The following USP29 variants were observed in gnomAD, a reference collection of about 807,000 sequenced individuals.
USP29 encodes ubiquitin carboxyl-terminal hydrolase 29.
For synonymous variants in USP29, 386 were observed against 387.4 expected, an observed-to-expected ratio of 1.00 and a Z score of 0.04; for missense variants, 1,102 against 1,069.0, an observed-to-expected ratio of 1.03 and a Z score of -0.43.
At chr19:57,119,515 C>T (rs577772334), upstream of USP29, among the ~76,000 whole-genome samples, 105 of 152,230 alleles carry the variant, frequency 6.9e-4, no homozygotes, top group African/African-American at 1.0e-3. Context: ...CTCCGCCTCC[C>T]GGGTTCAAGC....
rs1471440017 is a variant in USP29 at position 57,129,156 on chromosome 19, A to C, written c.481A>C (p.Ile161Leu). 9 of 1,613,528 alleles carry C rather than the reference A, an allele frequency of 5.6e-6. No individual in the cohort carries two copies. The highest frequency in any genetic ancestry group is 6.8e-6 in the Non-Finnish European group (8 of 1,179,744). ...ATCACCAACACATGTGAAAAAGGGG[A>C]TATTAGAAAATCAAGGTGGGAAGGG... ...SKSPTHVKKGILENQGGKGQN... is the reference protein window; with the variant it reads ...SKSPTHVKKGLLENQGGKGQN... Residue 161 changes from isoleucine to leucine, a missense_variant, in exon 4 of 4, where the codon ATA (isoleucine) becomes CTA (leucine). Transcript: ENST00000254181.
Position 57,129,963 on chromosome 19 carries a change from T to C in USP29, c.1288T>C (p.Phe430Leu). The C allele has an allele frequency of 6.2e-7, 1 of 1,614,168 alleles. No homozygotes were observed. The highest frequency in any genetic ancestry group is 8.5e-7 in the Non-Finnish European group (1 of 1,180,028). ...FVCPVVANFEFELQLSLICKA... is the reference protein window; with the variant it reads ...FVCPVVANFELELQLSLICKA... ...TTGCCCTGTTGTTGCTAATTTTGAG[T>C]TTGAATTGCAGCTCTCCCTTATTTG... The change falls in exon 4 of 4, where the codon TTT becomes CTT. Residue 430 changes from phenylalanine to leucine, a missense_variant. Transcript: ENST00000254181.
In USP29 at chr19:57,129,296, G is replaced by A. The variant is rs35732035; in HGVS notation, c.621G>A (p.Arg207=). The A allele has an allele frequency of 0.013, 20,999 of 1,614,042 alleles. 209 individuals are homozygous for A. Among genetic ancestry groups the A allele is most frequent in the Non-Finnish European group, 0.016 (18,856 of 1,180,008 alleles). The part of the protein sequence containing the change: ...TDSLKYIQSN[R]KNPSSLEDLE... ...CCTTGAAATATATACAAAGCAATAG[G>A]AAGAACCCATCAAGTTTAGAGGATT... Residue 207 remains arginine, a synonymous_variant, in exon 4 of 4, where the codon AGG becomes AGA. Transcript: ENST00000254181.
chr19:57,131,174 G>C lies in USP29; in HGVS notation c.2499G>C (p.Gly833=), dbSNP rs988742225. 6.8e-6 allele frequency: 11 copies of C among 1,614,076 alleles called. No homozygotes were observed. Among genetic ancestry groups the C allele is most frequent in the Non-Finnish European group, 8.5e-6 (10 of 1,180,056 alleles). Residue 833 remains glycine, a synonymous_variant, in exon 4 of 4, where the codon GGG becomes GGC. Transcript: ENST00000254181. Reference sequence around the variant, plus strand: ...TCATCAGTGTTGTCAGCCATATCGGGAGCTCCCCAAATTCAGGCCATTACA... The same window carrying C: ...TCATCAGTGTTGTCAGCCATATCGGCAGCTCCCCAAATTCAGGCCATTACA... ...YRLISVVSHI[G]SSPNSGHYIS...
At chr19:57,127,614 G>A (rs953377912) in intron 3 of USP29, among the ~76,000 whole-genome samples, 1 of 152,134 alleles carries the variant, frequency 6.6e-6, no homozygotes, top group Non-Finnish European at 1.5e-5. Context: ...CATTAATCAC[G>A]GATGCGCCTC....
In USP29 at chr19:57,128,819, A is replaced by G. The variant is rs2086837033; in HGVS notation, c.144A>G (p.Ile48Met). 1 of 1,613,932 alleles carries G rather than the reference A, an allele frequency of 6.2e-7. No homozygotes were observed. The highest frequency in any genetic ancestry group is 1.1e-5 in the South Asian group (1 of 91,076). The change falls in exon 4 of 4, where the codon ATA becomes ATG. Residue 48 changes from isoleucine (I) to methionine (M), a missense_variant. Transcript: ENST00000254181. ...TCACTTTCAAATCTGGAAAATTTATAAGAATTTTTCAGCTGAGCAACAACA... is the reference window on the plus strand; with the variant it reads ...TCACTTTCAAATCTGGAAAATTTATGAGAATTTTTCAGCTGAGCAACAACA... ...LVVTFKSGKF[I>M]RIFQLSNNIR...
chr19:57,124,203 T>C (rs2086811420), intron 3 of USP29, 64 bp downstream of exon 3: 2 of 152,160 alleles, frequency 1.3e-5, no homozygotes, highest in South Asian at 4.1e-4. Flanking sequence ...TTCCTGAAAT[T>C]GGAATGTTGG....
chr19:57,131,460 T>C lies in USP29; in HGVS notation c.*16T>C. 6.3e-7 allele frequency: 1 copy of C among 1,581,716 alleles called. No individual in the cohort carries two copies. Among genetic ancestry groups the C allele is most frequent in the Non-Finnish European group, 8.6e-7 (1 of 1,165,606 alleles). On this transcript the variant is annotated 3_prime_UTR_variant, in exon 4 of 4. Transcript: ENST00000254181. ...ACCTGCTTGACAGACTCACTCGGCC[T>C]CACTTCATCCTTGCAAAGAGAATCC...
chr19:57,128,815 T>G lies in USP29; in HGVS notation c.140T>G (p.Phe47Cys), dbSNP rs781420517. ...KLVVTFKSGK[F>C]IRIFQLSNNI... is the part of the protein sequence containing the mutation. ...GTGGTCACTTTCAAATCTGGAAAAT[T>G]TATAAGAATTTTTCAGCTGAGCAAC... Residue 47 changes from phenylalanine (F) to cysteine (C), a missense_variant, in exon 4 of 4, where the codon TTT becomes TGT. Phe to Cys is a radical substitution (Grantham distance 205). Coordinates refer to ENST00000254181, the MANE Select transcript of USP29 (RefSeq NM_020903.3). 1.2e-6 allele frequency: 2 copies of G among 1,613,956 alleles called. No homozygotes were observed. Among genetic ancestry groups the G allele is most frequent in the South Asian group, 2.2e-5 (2 of 91,062 alleles).
In USP29 at chr19:57,128,791, T is replaced by C; in HGVS notation, c.116T>C (p.Val39Ala). ...TVQRQKEIKL[V>A]VTFKSGKFIR... ...CAAAGACAAAAGGAAATTAAACTGG[T>C]GGTCACTTTCAAATCTGGAAAATTT... is the stretch of plus-strand genomic sequence containing the variant. The change falls in exon 4 of 4, where the codon GTG becomes GCG. Residue 39 changes from valine (V) to alanine (A), a missense_variant. Transcript: ENST00000254181. 6.2e-7 allele frequency: 1 copy of C among 1,614,074 alleles called. No homozygotes were observed. The highest frequency in any genetic ancestry group is 2.2e-5 in the East Asian group (1 of 44,846).
At position 57,126,608 on chromosome 19, in the gene USP29, C is replaced by T. The variant is rs541958237; in HGVS notation, c.-16-2052C>T. 3.2e-3 allele frequency among the ~76,000 whole-genome samples: 479 copies of T among 152,054 alleles called. 4 individuals carry two copies. The highest frequency in any genetic ancestry group is 0.019 in the South Asian group (91 of 4,818). On this transcript the variant is annotated intron_variant, in intron 3 of 3. Coordinates refer to ENST00000254181, the MANE Select transcript of USP29 (RefSeq NM_020903.3). ...CTCATGCTGTGTTTTTCAGCTCCAT[C>T]AGGTCATTTATGTTCCTCTCTAAAC... is the stretch of plus-strand genomic sequence containing the variant.
At chr19:57,124,830 T>A (rs2086815788) in intron 3 of USP29, among the ~76,000 whole-genome samples, 1 of 152,118 alleles carries the variant, frequency 6.6e-6, no homozygotes, top group Non-Finnish European at 1.5e-5. Context: ...ATTTTTGCCT[T>A]AATTTTGTTA....
chr19:57,120,867 G>A (rs1332759303), intron 1 of USP29, among the ~76,000 whole-genome samples: 1 of 150,666 alleles, frequency 6.6e-6, no homozygotes, highest in Admixed American at 6.7e-5. Context: ...AACTTTGGGA[G>A]GCCAAGGCGG....
rs2086801839 is a variant in USP29, at chr19:57,122,322, C to T, written c.-267-3C>T. 1 of 151,988 alleles carries T rather than the reference C, an allele frequency of 6.6e-6. No homozygotes were observed. The highest frequency in any genetic ancestry group is 6.6e-5 in the Admixed American group (1 of 15,250). 9.4% of individuals were successfully genotyped at this position (151,988 alleles called of 1,614,324 possible). On this transcript the variant is annotated splice_polypyrimidine_tract_variant and splice_region_variant and intron_variant, in intron 1 of 3. Transcript: ENST00000254181. ...AGACTCAACTTCCATCATTCTCCTCCAGGCGCTATGGAGTCTAATCCAGGC... is the reference window on the plus strand; with the variant it reads ...AGACTCAACTTCCATCATTCTCCTCTAGGCGCTATGGAGTCTAATCCAGGC...
At chr19:57,127,841 C>A (rs982048593) in intron 3 of USP29, among the ~76,000 whole-genome samples, 1 of 152,174 alleles carries the variant, frequency 6.6e-6, no homozygotes, top group Non-Finnish European at 1.5e-5. Context: ...AAAATCAACT[C>A]TTGCAACTAG....
At chr19:57,122,086 A>G (rs1032878028) in intron 1 of USP29, among the ~76,000 whole-genome samples, 2 of 152,186 alleles carry the variant, frequency 1.3e-5, no homozygotes, top group African/African-American at 2.4e-5. Flanking sequence ...TAATCTTGCA[A>G]TTCTTATGTA....
chr19:57,119,515 C>A (rs577772334), upstream of USP29, among the ~76,000 whole-genome samples: 1 of 152,112 alleles, frequency 6.6e-6, no homozygotes, highest in Non-Finnish European at 1.5e-5. Flanking sequence ...CTCCGCCTCC[C>A]GGGTTCAAGC....
chr19:57,127,206 G>A (rs1283306191), intron 3 of USP29, among the ~76,000 whole-genome samples: 3 of 152,234 alleles, frequency 2.0e-5, no homozygotes, highest in Non-Finnish European at 4.4e-5. Context: ...CTCAACCCCT[G>A]TTGGGAGTTC....
At chr19:57,121,479 C>T (rs2086796208) in intron 1 of USP29, among the ~76,000 whole-genome samples, 1 of 137,374 alleles carries the variant, frequency 7.3e-6, no homozygotes, top group African/African-American at 2.6e-5. Flanking sequence ...GTTATACATA[C>T]TTATATGTTA....
Sources: gnomAD v4.1 joint callset for allele counts (sites outside exome capture counted in the v4.1 genomes callset) on GRCh38, gnomAD v4.1.1 for gene constraint, MANE v1.5 for transcripts, NCBI Gene and HGNC (gene_info 2026-07-23, HGNC 2026-07-21) for gene names.